The following S100Z variants were observed in gnomAD, a reference collection of about 807,000 sequenced individuals.
S100Z encodes protein S100-Z.
Under a neutral mutation model 8.5 loss-of-function variants are expected in S100Z, and 11 were observed. The ratio of observed to expected loss-of-function variants is 1.30; its 90% CI spans 0.82 to 2.15. The LOEUF (loss-of-function observed/expected upper bound fraction) is 2.15, where lower values mean the gene tolerates loss of function less well. S100Z is among the 30% of genes most tolerant of loss of function. The probability of loss-of-function intolerance (pLI) is 0.00; values close to 1 mark genes in which losing one functional copy is unlikely to be tolerated. For missense variants in S100Z, 126 were observed against 117.9 expected (o/e 1.07, Z -0.32); for synonymous variants, 34 against 43.8 (o/e 0.78, Z 0.89).
chr5:76,897,928 A>T (rs1744097788), intron 4 of S100Z, among the ~76,000 whole-genome samples: 1 of 152,192 alleles, frequency 6.6e-6, no homozygotes, highest in African/African-American at 2.4e-5. Flanking sequence ...TCATCAGCAA[A>T]CAAGGATAAT....
chr5:76,864,161 A>C (rs1751177301), intron 1 of S100Z, among the ~76,000 whole-genome samples: 2 of 152,162 alleles, frequency 1.3e-5, no homozygotes, highest in Admixed American at 1.3e-4. Context: ...CCAACCACAT[A>C]TATGACAATG....
At chr5:76,883,989 T>C (rs898331632) in intron 4 of S100Z, among the ~76,000 whole-genome samples, 4 of 150,810 alleles carry the variant, frequency 2.7e-5, no homozygotes, top group African/African-American at 9.8e-5. Flanking sequence ...CATTGCTACT[T>C]GGCTGCCTCT....
intron 4 of S100Z, among the ~76,000 whole-genome samples, chr5:76,881,429 G>T (rs1743398038): frequency 6.6e-6 from 1 of 152,208 alleles, no homozygotes; most frequent in Admixed American, 6.5e-5. Flanking sequence ...CAATTTGCCA[G>T]TCCTGGGCGG....
At chr5:76,949,347 C>A in the S100Z span, among the ~76,000 whole-genome samples, 3 of 151,978 alleles carry the variant, frequency 2.0e-5, no homozygotes, top group Non-Finnish European at 4.4e-5. Flanking sequence ...CAAGATCATG[C>A]CACTGCACTC....
chr5:76,909,375 A>C (rs1460678422), intron 4 of S100Z, among the ~76,000 whole-genome samples: 5 of 152,168 alleles, frequency 3.3e-5, no homozygotes, highest in Admixed American at 3.3e-4. Flanking sequence ...TGATGGGGAA[A>C]AATGGCCACC....
At chr5:76,917,168 A>G (rs1320370490) in intron 4 of S100Z, among the ~76,000 whole-genome samples, 5 of 151,994 alleles carry the variant, frequency 3.3e-5, no homozygotes, top group Admixed American at 6.6e-5. Context: ...AGTTGTATGA[A>G]AAGAAGAAAA....
intron 4 of S100Z, among the ~76,000 whole-genome samples, chr5:76,879,783 T>A: frequency 6.6e-6 from 1 of 150,866 alleles, no homozygotes; most frequent in African/African-American, 2.4e-5. Context: ...ACCAGGAGAG[T>A]GTAGTGTCTC....
chr5:76,929,219 A>C, the S100Z span, among the ~76,000 whole-genome samples: 1 of 152,232 alleles, frequency 6.6e-6, no homozygotes, highest in East Asian at 1.9e-4. Flanking sequence ...TTATATAATC[A>C]GCCTGGATTT....
intron 1 of S100Z, among the ~76,000 whole-genome samples, chr5:76,864,015 T>C (rs1751173946): frequency 6.6e-6 from 1 of 152,242 alleles, no homozygotes; most frequent in African/African-American, 2.4e-5. Flanking sequence ...AAATACTGTA[T>C]TATTACAATT....
the S100Z span, among the ~76,000 whole-genome samples, chr5:76,929,224 G>T: frequency 6.6e-6 from 1 of 152,168 alleles, no homozygotes; most frequent in Non-Finnish European, 1.5e-5. Context: ...TAATCAGCCT[G>T]GATTTTTACA....
chr5:76,875,707 T>A (rs868552046), intron 3 of S100Z, among the ~76,000 whole-genome samples: 1 of 152,004 alleles, frequency 6.6e-6, no homozygotes. Flanking sequence ...TTACCTGGGG[T>A]TAGGGTTTCT....
intron 4 of S100Z, among the ~76,000 whole-genome samples, chr5:76,881,590 G>A (rs576184494): frequency 3.3e-5 from 5 of 152,290 alleles, no homozygotes; most frequent in Admixed American, 2.6e-4. Context: ...TCTAAGAGGC[G>A]GGCTAGCTGC....
At chr5:76,946,145 G>T in the S100Z span, among the ~76,000 whole-genome samples, 1 of 152,170 alleles carries the variant, frequency 6.6e-6, no homozygotes, top group Non-Finnish European at 1.5e-5. Flanking sequence ...GATCTCTTTA[G>T]TCTGGATTTT....
intron 3 of S100Z, among the ~76,000 whole-genome samples, chr5:76,875,869 A>G (rs1743174701): frequency 6.6e-6 from 1 of 152,190 alleles, no homozygotes; most frequent in Non-Finnish European, 1.5e-5. Flanking sequence ...GTATTGGGCC[A>G]GAGGTGAAGG....
At chr5:76,897,616 A>T (rs1276882109) in intron 4 of S100Z, among the ~76,000 whole-genome samples, 1 of 152,044 alleles carries the variant, frequency 6.6e-6, no homozygotes, top group East Asian at 1.9e-4. Context: ...CATGAACATG[A>T]AGCATTTTTC....
At chr5:76,897,052 C>T (rs1358669000) in intron 4 of S100Z, among the ~76,000 whole-genome samples, 1 of 152,186 alleles carries the variant, frequency 6.6e-6, no homozygotes, top group African/African-American at 2.4e-5. Flanking sequence ...TGTTTGGTTA[C>T]TATAGCTCTG....
chr5:76,875,113 G>A (rs1163512118), intron 2 of S100Z, among the ~76,000 whole-genome samples, 191 bp from the exon 3 acceptor site: 2 of 152,026 alleles, frequency 1.3e-5, no homozygotes, highest in African/African-American at 2.4e-5. Context: ...GGATGGTCTC[G>A]ATCTTCTGAC....
In S100Z at chr5:76,889,931, G is replaced by A. The variant is rs77476520; in HGVS notation, c.*2+12097G>A. Among the ~76,000 whole-genome samples, 411 of 152,352 alleles carry A rather than the reference G, an allele frequency of 2.7e-3. 13 individuals carry two copies. The East Asian group carries it at 0.059, about 22-fold the overall frequency. On this transcript the variant is annotated intron_variant, in intron 4 of 4. Coordinates refer to ENST00000317593, the MANE Select transcript of S100Z (RefSeq NM_130772.4). ...GATAGAGCAGCTTATGGAGACAAAA[G>A]CCTAGGCTTGCTTGAGACCCTGGGT...
At chr5:76,892,762 GT>G (rs2150662562) in intron 4 of S100Z, among the ~76,000 whole-genome samples, 1 of 152,308 alleles carries the variant, frequency 6.6e-6, no homozygotes, top group Admixed American at 6.5e-5. Context: ...CTAAAAGGGG[GT>G]AGAGGAATAG....
Sources: allele counts gnomAD v4.1 joint callset (sites outside exome capture counted in the v4.1 genomes callset), GRCh38; gene constraint gnomAD v4.1.1; transcripts MANE v1.5; gene names NCBI Gene and HGNC (gene_info 2026-07-23, HGNC 2026-07-21).